Variants in PRKD2 observed in about 807,000 individuals in gnomAD.
The protein encoded by PRKD2 is serine/threonine-protein kinase D2.
A neutral mutation model predicts 86.0 loss-of-function variants in PRKD2; 22 were observed. The observed-to-expected ratio is 0.26, with a 90% confidence interval of 0.18 to 0.37. The LOEUF (loss-of-function observed/expected upper bound fraction) is 0.37. PRKD2 is among the 10% of genes least tolerant of loss of function. The pLI is 1.00. For missense variants in PRKD2, 818 were observed against 1,199.2 expected, an observed-to-expected ratio of 0.68 and a Z score of 4.70; for synonymous variants, 509 against 510.9, an observed-to-expected ratio of 1.00 and a Z score of 0.05.
chr19:46,709,156 A>C (rs2053765123), intron 3 of PRKD2: 1 of 154,048 alleles, frequency 6.5e-6, no homozygotes, highest in Admixed American at 6.6e-5. Context: ...TTGTATTTTT[A>C]GGAGAGATGG....
chr19:46,697,746 T>G lies in PRKD2; in HGVS notation c.1226A>C (p.Asn409Thr). The G allele has an allele frequency of 6.2e-7, 1 of 1,613,792 alleles. No homozygotes were observed. The highest frequency in any genetic ancestry group is 8.5e-7 in the Non-Finnish European group (1 of 1,179,778). The change falls in exon 8 of 18, where the codon AAC becomes ACC. Residue 409 changes from asparagine (N) to threonine (T), a missense_variant. Physicochemically the swap from Asn to Thr is moderately conservative, Grantham distance 65. Coordinates refer to ENST00000291281, the MANE Select transcript of PRKD2 (RefSeq NM_016457.5). ...LREGWVVHYSNKDTLRKRHYW... is the reference protein window; with the variant it reads ...LREGWVVHYSTKDTLRKRHYW... ...CCGGCCACTCACCAGCGTGTCCTTG[T>G]TGCTGTAATGAACCACCCAACCCTC...
chr19:46,702,774 ACCT>A (rs938050626), intron 5 of PRKD2, among the ~76,000 whole-genome samples: 28 of 151,854 alleles, frequency 1.8e-4, no homozygotes, highest in African/African-American at 5.8e-4. Context: ...TGCAGCCTCA[ACCT>A]CCTGGGCTCA....
chr19:46,704,399 T>C lies in PRKD2; in HGVS notation c.667-8A>G, dbSNP rs2053681359. ...TTCGGTGGTGCTACGGCTCTGTCGTTGGCAAGAATGGAGGGGACACATCAG... is the reference window on the plus strand; with the variant it reads ...TTCGGTGGTGCTACGGCTCTGTCGTCGGCAAGAATGGAGGGGACACATCAG... On this transcript the variant is annotated splice_polypyrimidine_tract_variant and splice_region_variant and intron_variant, in intron 4 of 17. Coordinates refer to ENST00000291281, the MANE Select transcript of PRKD2 (RefSeq NM_016457.5). 2 of 1,613,726 alleles carry C rather than the reference T, an allele frequency of 1.2e-6. No individual in the cohort carries two copies. Among genetic ancestry groups the C allele is most frequent in the Non-Finnish European group, 1.7e-6 (2 of 1,179,974 alleles).
intron 3 of PRKD2, chr19:46,710,633 C>T (rs762168271): frequency 9.4e-5 from 38 of 404,234 alleles, no homozygotes; most frequent in Admixed American, 1.9e-4. Flanking sequence ...CACCCTTCTG[C>T]TCCCCTAGGC....
At chr19:46,705,854 C>T (rs1003057822) in intron 3 of PRKD2, among the ~76,000 whole-genome samples, 2 of 151,768 alleles carry the variant, frequency 1.3e-5, no homozygotes, top group African/African-American at 4.8e-5. Flanking sequence ...AGTATGACTT[C>T]TTATTGTCTT....
chr19:46,683,923 G>T (rs1430447979), intron 14 of PRKD2, among the ~76,000 whole-genome samples: 1 of 151,876 alleles, frequency 6.6e-6, no homozygotes, highest in African/African-American at 2.4e-5. Flanking sequence ...CTGTTCCTAT[G>T]ATAAGGTGAG....
chr19:46,678,808 C>G lies in PRKD2; in HGVS notation c.2071-145G>C, dbSNP rs879892770. On this transcript the variant is annotated intron_variant, in intron 15 of 17. Coordinates refer to ENST00000291281, the MANE Select transcript of PRKD2 (RefSeq NM_016457.5). This position sits in a 1 kb window ranked among gnomAD's most constrained non-coding sequence, Gnocchi z 5.7. ...CTCCTTGGCTCACTAGCTGAGCAAC[C>G]CTGGGCAGGTGACTTCCCCCCTCTG... 65 of 970,728 alleles carry G rather than the reference C, an allele frequency of 6.7e-5. No homozygotes were observed. In the South Asian group the frequency reaches 1.0e-3, roughly 15 times the overall value. 60.1% of individuals were successfully genotyped at this position (970,728 alleles called of 1,614,324 possible). A position where few individuals can be genotyped will look rare whatever the true frequency, so the allele number is the denominator to read the frequency against.
At chr19:46,690,376 C>CCCT (rs2053466407) in intron 13 of PRKD2, among the ~76,000 whole-genome samples, 1 of 152,216 alleles carries the variant, frequency 6.6e-6, no homozygotes, top group Non-Finnish European at 1.5e-5. Flanking sequence ...TCTGGCTCCG[C>CCCT]CCTCCTCCCT....
At chr19:46,694,227 G>A (rs1262438023) in intron 9 of PRKD2, 94 bp from the exon 10 acceptor site, 5 of 1,503,512 alleles carry the variant, frequency 3.3e-6, no homozygotes, top group Non-Finnish European at 3.6e-6. Flanking sequence ...CATGTTGATA[G>A]GGATGGGCCT....
intron 14 of PRKD2, among the ~76,000 whole-genome samples, chr19:46,682,865 T>C (rs1019263663): frequency 7.3e-5 from 11 of 151,046 alleles, no homozygotes; most frequent in African/African-American, 2.4e-4. Flanking sequence ...CCATCACACC[T>C]GACTAATTTT....
rs1433738565 is a variant in PRKD2, at chr19:46,675,055, G to C, written c.2402C>G (p.Ser801Cys). ...CACCTGTAACCAGGGGTGGCTGAGA[G>C]ATTTGTCCACGCTGTAGCGTTTGCG... ...KMRKRYSVDK[S>C]LSHPWLQEYQ... Residue 801 changes from serine to cysteine, a missense_variant, in exon 17 of 18, where the codon TCT becomes TGT. Ser to Cys is a moderately radical substitution (Grantham distance 112). Around this residue, in one of 5 missense-constraint regions of PRKD2, gnomAD observed 132 missense variants for 146.2 expected, o/e 0.90. Transcript: ENST00000291281. The C allele has an allele frequency of 6.2e-7, 1 of 1,610,390 alleles. No homozygotes were observed. Among genetic ancestry groups the C allele is most frequent in the Non-Finnish European group, 8.5e-7 (1 of 1,178,030 alleles).
Position 46,678,915 on chromosome 19 carries a change from C to G in PRKD2, c.2071-252G>C, listed in dbSNP as rs547271386. On this transcript the variant is annotated intron_variant, in intron 15 of 17. Transcript: ENST00000291281. This position sits in a 1 kb window ranked among gnomAD's most constrained non-coding sequence, Gnocchi z 5.7. ...CTGCCATGATGGTTAGTGAATTAAA[C>G]CATCCAAAGCCCACAGGACAATATT... Among the ~76,000 whole-genome samples the G allele has an allele frequency of 6.6e-6, 1 of 152,194 alleles. No individual in the cohort carries two copies. The highest frequency in any genetic ancestry group is 2.1e-4 in the South Asian group (1 of 4,836).
intron 12 of PRKD2, 22 bp downstream of exon 12, chr19:46,691,713 G>A (rs370003536): frequency 6.2e-6 from 10 of 1,611,408 alleles, no homozygotes; most frequent in Admixed American, 3.3e-5. Flanking sequence ...CTCCCTCTGG[G>A]TTAGCTCTGA....
rs2053514060 is a variant in PRKD2, at chr19:46,693,691, GCTTC to G, written c.1576+180_1576+183del. Among the ~76,000 whole-genome samples, 1 of 152,164 alleles carries G rather than the reference GCTTC, an allele frequency of 6.6e-6. No homozygotes were observed. The highest frequency in any genetic ancestry group is 2.4e-5 in the African/African-American group (1 of 41,446). ...GGCCTCAAGTGATCCTCCCTCCTTG[GCTTC>G]CCAAAGCGCTGGGATTAACAGGAGT... is the stretch of plus-strand genomic sequence containing the variant. On this transcript the variant is annotated intron_variant, in intron 10 of 17. Coordinates refer to ENST00000291281, the MANE Select transcript of PRKD2 (RefSeq NM_016457.5). The surrounding 1 kb of genome is among the most constrained non-coding windows in gnomAD (Gnocchi z 4.5).
intron 3 of PRKD2, among the ~76,000 whole-genome samples, chr19:46,705,152 A>C: frequency 6.8e-6 from 1 of 147,064 alleles, no homozygotes; most frequent in African/African-American, 2.5e-5. Flanking sequence ...CGCGCCTCAC[A>C]CCCCACCTTT....
chr19:46,712,807 C>T (rs996650571), intron 2 of PRKD2, among the ~76,000 whole-genome samples: 1 of 152,170 alleles, frequency 6.6e-6, no homozygotes, highest in Non-Finnish European at 1.5e-5. Context: ...GACCAAGGGC[C>T]ATAGACTGCT....
chr19:46,697,278 T>C, intron 8 of PRKD2, 44 bp from the exon 9 acceptor site: 2 of 1,442,794 alleles, frequency 1.4e-6, no homozygotes, highest in Non-Finnish European at 1.9e-6. Flanking sequence ...CAGACTTTCC[T>C]GCCCAGTCCC....
chr19:46,701,473 T>C (rs1359795959), intron 5 of PRKD2, among the ~76,000 whole-genome samples: 1 of 151,262 alleles, frequency 6.6e-6, no homozygotes, highest in Non-Finnish European at 1.5e-5. Context: ...ATACAAAAAT[T>C]AGCTGGGCGT....
At chr19:46,687,276 C>T (rs1476250388) in intron 14 of PRKD2, among the ~76,000 whole-genome samples, 1 of 152,082 alleles carries the variant, frequency 6.6e-6, no homozygotes, top group Non-Finnish European at 1.5e-5. Flanking sequence ...CCTGTTGTCT[C>T]AGCTACTCAG....
Sources: gnomAD v4.1 joint callset for allele counts (sites outside exome capture counted in the v4.1 genomes callset) on GRCh38, gnomAD v4.1.1 for gene constraint, gnomAD v4.1.1 regional missense constraint, Gnocchi (gnomAD v3.1) non-coding constraint, MANE v1.5 for transcripts, NCBI Gene and HGNC (gene_info 2026-07-23, HGNC 2026-07-21) for gene names.